DRC11: variants seen among roughly 807,000 people sequenced by gnomAD.
DRC11 encodes the protein dynein regulatory complex subunit 11.
At chr2:236,451,378 G>T in the DRC11 span, among the ~76,000 whole-genome samples, 7 of 150,006 alleles carry the variant, frequency 4.7e-5, no homozygotes, top group African/African-American at 7.5e-5. Flanking sequence ...TATATATATA[G>T]ATATATATGA....
At chr2:236,371,162 G>C in the DRC11 span, among the ~76,000 whole-genome samples, 1 of 151,556 alleles carries the variant, frequency 6.6e-6, no homozygotes, top group African/African-American at 2.4e-5. The surrounding 1 kb of genome is among the most constrained non-coding windows in gnomAD (Gnocchi z 5.1). Flanking sequence ...GGCTGGGGAG[G>C]AACAGCCCAC....
At chr2:236,400,297 C>G in the DRC11 span, among the ~76,000 whole-genome samples, 89 of 152,116 alleles carry the variant, frequency 5.9e-4, no homozygotes, top group African/African-American at 2.1e-3. This position sits in a 1 kb window ranked among gnomAD's most constrained non-coding sequence, Gnocchi z 7.9. Flanking sequence ...CCCCCCACAG[C>G]AGAGAGAGCC....
the DRC11 span, chr2:236,377,212 C>T: frequency 2.1e-6 from 3 of 1,399,722 alleles, no homozygotes; most frequent in South Asian, 3.5e-5. This position sits in a 1 kb window ranked among gnomAD's most constrained non-coding sequence, Gnocchi z 4.9. Context: ...GTGTCTGTTC[C>T]AGAGGCACAC....
chr2:236,426,107 G>T, the DRC11 span, among the ~76,000 whole-genome samples: 1 of 151,920 alleles, frequency 6.6e-6, no homozygotes, highest in African/African-American at 2.4e-5. The surrounding 1 kb of genome is among the most constrained non-coding windows in gnomAD (Gnocchi z 4.1). Context: ...GATTTCATTG[G>T]ATATTTGAGG....
chr2:236,416,880 C>A, the DRC11 span, among the ~76,000 whole-genome samples: 7 of 150,810 alleles, frequency 4.6e-5, no homozygotes, highest in Non-Finnish European at 1.0e-4. Context: ...CCTGCCTCAG[C>A]CTCCTGAGTT....
the DRC11 span, among the ~76,000 whole-genome samples, chr2:236,397,666 T>C: frequency 6.6e-6 from 1 of 152,204 alleles, no homozygotes; most frequent in African/African-American, 2.4e-5. This position sits in a 1 kb window ranked among gnomAD's most constrained non-coding sequence, Gnocchi z 5.0. Context: ...CAAATGATGA[T>C]ATGCAAAGCA....
the DRC11 span, among the ~76,000 whole-genome samples, chr2:236,456,730 G>A: frequency 1.3e-5 from 2 of 152,172 alleles, no homozygotes; most frequent in Admixed American, 6.5e-5. This position sits in a 1 kb window ranked among gnomAD's most constrained non-coding sequence, Gnocchi z 5.4. Context: ...GTAGAGGGTG[G>A]GTGTTTACCT....
chr2:236,484,199 C>T, the DRC11 span, among the ~76,000 whole-genome samples: 2 of 152,118 alleles, frequency 1.3e-5, no homozygotes, highest in Non-Finnish European at 2.9e-5. Flanking sequence ...GATTTTTGTC[C>T]TACCTGACAT....
chr2:236,358,777 A>AAATGCAAGAGAACCAG, the DRC11 span, among the ~76,000 whole-genome samples: 2 of 149,358 alleles, frequency 1.3e-5, no homozygotes, highest in African/African-American at 5.0e-5. Context: ...ATGTCAACAA[A>AAATGCAAGAGAACCAG]AATGCAAGAG....
At chr2:236,451,625 A>C in the DRC11 span, among the ~76,000 whole-genome samples, 1 of 152,236 alleles carries the variant, frequency 6.6e-6, no homozygotes, top group Non-Finnish European at 1.5e-5. Context: ...ACTTAAAATG[A>C]TAAGGCTCAC....
At chr2:236,459,008 G>A in the DRC11 span, among the ~76,000 whole-genome samples, 7 of 152,076 alleles carry the variant, frequency 4.6e-5, no homozygotes, top group South Asian at 2.1e-4. Context: ...TCGCACCGTC[G>A]CACTCCAGCC....
the DRC11 span, among the ~76,000 whole-genome samples, chr2:236,405,892 G>A: frequency 2.5e-3 from 382 of 152,268 alleles, 3 homozygotes; most frequent in African/African-American, 8.5e-3. This position sits in a 1 kb window ranked among gnomAD's most constrained non-coding sequence, Gnocchi z 4.6. Context: ...TTCACACTGC[G>A]AAGAATGGTG....
chr2:236,404,273 T>G, the DRC11 span, among the ~76,000 whole-genome samples: 3 of 152,076 alleles, frequency 2.0e-5, no homozygotes, highest in Admixed American at 2.0e-4. Context: ...AAGTGAGAAT[T>G]TCTTCCAAGG....
chr2:236,357,342 ATATAT>A, the DRC11 span, among the ~76,000 whole-genome samples: 40 of 115,704 alleles, frequency 3.5e-4, no homozygotes, highest in East Asian at 1.9e-3. Context: ...ATATGAATAT[ATATAT>A]TATATGTATA....
chr2:236,436,597 C>G, the DRC11 span, among the ~76,000 whole-genome samples: 1 of 151,864 alleles, frequency 6.6e-6, no homozygotes, highest in Non-Finnish European at 1.5e-5. Context: ...CTGTCCTTCC[C>G]CATTTATTTG....
the DRC11 span, among the ~76,000 whole-genome samples, chr2:236,361,888 A>G: frequency 6.4e-4 from 97 of 152,344 alleles, 1 homozygote; most frequent in Non-Finnish European, 2.6e-4. This position sits in a 1 kb window ranked among gnomAD's most constrained non-coding sequence, Gnocchi z 5.7. Flanking sequence ...AACTATAAAG[A>G]CATAGACATA....
the DRC11 span, among the ~76,000 whole-genome samples, chr2:236,388,618 T>C: frequency 4.7e-5 from 7 of 148,372 alleles, no homozygotes; most frequent in East Asian, 1.4e-3. Context: ...TGTCCTCCCG[T>C]AGCTCAGAGT....
chr2:236,441,048 T>C, the DRC11 span: 1 of 1,537,730 alleles, frequency 6.5e-7, no homozygotes, highest in Non-Finnish European at 8.8e-7. Flanking sequence ...ACCTGTTGTA[T>C]GGTCTTGTCA....
chr2:236,335,069 C>T, the DRC11 span, among the ~76,000 whole-genome samples: 1 of 152,168 alleles, frequency 6.6e-6, no homozygotes, highest in South Asian at 2.1e-4. This position sits in a 1 kb window ranked among gnomAD's most constrained non-coding sequence, Gnocchi z 5.6. Context: ...CTCTACAAAT[C>T]CACCCTTCAC....
Sources: gnomAD v4.1 joint callset for allele counts (sites outside exome capture counted in the v4.1 genomes callset) on GRCh38, gnomAD v4.1.1 for gene constraint, Gnocchi (gnomAD v3.1) non-coding constraint, MANE v1.5 for transcripts, NCBI Gene and HGNC (gene_info 2026-07-23, HGNC 2026-07-21) for gene names.